MYL12A: variants seen among roughly 807,000 people sequenced by gnomAD.
MYL12A encodes myosin light chain 12A.
Under a neutral mutation model 13.3 loss-of-function variants are expected in MYL12A, and 11 were observed. The ratio of observed to expected loss-of-function variants is 0.83; its 90% CI spans 0.52 to 1.37. The LOEUF is 1.37. Ranked by LOEUF, MYL12A falls within the 40% of genes most tolerant of loss-of-function variation. MYL12A has a pLI of 0.00. For missense variants in MYL12A, 146 were observed against 212.3 expected (o/e 0.69, Z 1.94); for synonymous variants, 51 against 69.9 (o/e 0.73, Z 1.35).
intron 1 of MYL12A, among the ~76,000 whole-genome samples, chr18:3,250,693 C>T (rs1291324835): frequency 1.3e-5 from 2 of 152,150 alleles, no homozygotes; most frequent in African/African-American, 4.8e-5. Flanking sequence ...GACTAACAGC[C>T]GAATCTCTTC....
At position 3,253,974 on chromosome 18, in the gene MYL12A, T is replaced by G; in HGVS notation, c.267T>G (p.Phe89Leu). The change falls in exon 3 of 4, where the codon TTT becomes TTG. Residue 89 changes from phenylalanine to leucine, a missense_variant. By Grantham distance (22) the Phe-to-Leu change is conservative (BLOSUM62 0). Coordinates refer to ENST00000217652, the MANE Select transcript of MYL12A (RefSeq NM_006471.4). Reference protein sequence around the residue: ...PINFTMFLTMFGEKLNGTDPE... With the variant: ...PINFTMFLTMLGEKLNGTDPE... The stretch of plus-strand genomic sequence containing the variant: ...ATTTCACCATGTTCCTCACCATGTT[T>G]GGTGAGAAGTTAAATGGCACAGATC... 6.2e-7 allele frequency: 1 copy of G among 1,613,976 alleles called. No individual in the cohort carries two copies. The highest frequency in any genetic ancestry group is 8.5e-7 in the Non-Finnish European group (1 of 1,179,884).
chr18:3,252,309 T>G, intron 1 of MYL12A: 1 of 1,533,162 alleles, frequency 6.5e-7, no homozygotes, highest in Non-Finnish European at 8.7e-7. Flanking sequence ...CCATCTTCCC[T>G]GCAACTCTGA....
chr18:3,249,290 T>C (rs980374023), intron 1 of MYL12A: 1 of 152,206 alleles, frequency 6.6e-6, no homozygotes, highest in African/African-American at 2.4e-5. Flanking sequence ...TTTGAGAATC[T>C]CTTCTATTTC....
chr18:3,251,660 T>C (rs2081486754), intron 1 of MYL12A, among the ~76,000 whole-genome samples: 1 of 152,132 alleles, frequency 6.6e-6, no homozygotes, highest in African/African-American at 2.4e-5. Context: ...CCTCATGTAG[T>C]TTAGATGTGA....
At chr18:3,250,491 A>T (rs1194525240) in intron 1 of MYL12A, among the ~76,000 whole-genome samples, 1 of 152,052 alleles carries the variant, frequency 6.6e-6, no homozygotes, top group Non-Finnish European at 1.5e-5. Flanking sequence ...TAGGGAAAAA[A>T]CCCCACAGTT....
intron 1 of MYL12A, among the ~76,000 whole-genome samples, chr18:3,251,562 C>G (rs1299568772): frequency 6.6e-6 from 1 of 152,098 alleles, no homozygotes; most frequent in African/African-American, 2.4e-5. Flanking sequence ...CAAGTCCTTG[C>G]GTACATTTAA....
chr18:3,255,402 A>G (rs1324700405), intron 3 of MYL12A: 1 of 178,958 alleles, frequency 5.6e-6, no homozygotes, highest in Non-Finnish European at 1.2e-5. Context: ...AGATGTGACC[A>G]TTCATGCCAC....
chr18:3,255,912 T>G lies in MYL12A; in HGVS notation c.510T>G (p.Asp170Glu), dbSNP rs1598799935. The G allele has an allele frequency of 3.1e-6, 5 of 1,613,064 alleles. No homozygotes were observed. In the East Asian group the frequency reaches 1.1e-4, roughly 36 times the overall value. The change falls in exon 4 of 4, where the codon GAT (aspartate) becomes GAG (glutamate). Residue 170 changes from aspartate (D) to glutamate (E), a missense_variant. Physicochemically the swap from Asp to Glu is conservative, Grantham distance 45. Coordinates refer to ENST00000217652, the MANE Select transcript of MYL12A (RefSeq NM_006471.4). ...RILKHGAKDK[D>E]D Reference sequence around the variant, plus strand: ...TGAAACATGGAGCCAAAGACAAAGATGACTGAAATAACTTCAAATTCCAGC... The same window carrying G: ...TGAAACATGGAGCCAAAGACAAAGAGGACTGAAATAACTTCAAATTCCAGC...
Position 3,253,748 on chromosome 18 carries a change from T to G in MYL12A, c.182-141T>G, listed in dbSNP as rs544915177. ...TAGGCCCTATTCATTAAGAAAACTT[T>G]CCCCCCAAATAGTTTCACTCTCATG... On this transcript the variant is annotated intron_variant, in intron 2 of 3. Transcript: ENST00000217652. 13 of 962,536 alleles carry G rather than the reference T, an allele frequency of 1.4e-5. No individual in the cohort carries two copies. The East Asian group carries it at 3.2e-4, about 24-fold the overall frequency. The allele number at this position is 962,536 out of a possible 1,614,324, so 59.6% of individuals were successfully genotyped here.
intron 1 of MYL12A, among the ~76,000 whole-genome samples, chr18:3,250,082 G>C (rs2081469784): frequency 7.0e-6 from 1 of 141,862 alleles, no homozygotes; most frequent in Non-Finnish European, 1.5e-5. Context: ...AATTTCAGGG[G>C]GGAGGGGGGA....
At position 3,253,899 on chromosome 18, in the gene MYL12A, A is replaced by G. The variant is rs752787584; in HGVS notation, c.192A>G (p.Pro64=). ...HDMLASLGKN[P]TDEYLDAMMN... is the part of the protein sequence containing the mutation. ...CTTTTAAAAATTTAGGGAAGAATCC[A>G]ACTGATGAGTATCTAGATGCCATGA... Residue 64 remains proline (P), a synonymous_variant, in exon 3 of 4, where the codon CCA becomes CCG. Transcript: ENST00000217652. 3 of 1,602,250 alleles carry G rather than the reference A, an allele frequency of 1.9e-6. No individual in the cohort carries two copies. In the Admixed American group the frequency reaches 5.4e-5, roughly 29 times the overall value.
At chr18:3,252,948 C>G (rs979368620) in intron 1 of MYL12A, among the ~76,000 whole-genome samples, 3 of 152,172 alleles carry the variant, frequency 2.0e-5, no homozygotes, top group Admixed American at 1.3e-4. Flanking sequence ...CCCTATACTG[C>G]TGAAGTATAG....
In MYL12A at chr18:3,256,056, T is replaced by C. The variant is rs1240663684; in HGVS notation, c.*138T>C. On this transcript the variant is annotated 3_prime_UTR_variant, in exon 4 of 4. Coordinates refer to ENST00000217652, the MANE Select transcript of MYL12A (RefSeq NM_006471.4). ...CAGCCATTTTGGGCATATGTATCTT[T>C]ATAATCAGACTGGAAACGGGACTTT... 8 of 1,118,054 alleles carry C rather than the reference T, an allele frequency of 7.2e-6. No homozygotes were observed. The highest frequency in any genetic ancestry group is 2.7e-4 in the Middle Eastern group (1 of 3,764). The allele number at this position is 1,118,054 out of a possible 1,614,324, so 69.3% of individuals were successfully genotyped here. A position where few individuals can be genotyped will look rare whatever the true frequency, so the allele number is the denominator to read the frequency against.
At chr18:3,252,427 G>T in intron 1 of MYL12A, 2 of 1,363,240 alleles carry the variant, frequency 1.5e-6, no homozygotes, top group Non-Finnish European at 1.9e-6. Flanking sequence ...TTTTATTTTA[G>T]GTATTATTAG....
chr18:3,252,262 G>A, intron 1 of MYL12A: 1 of 1,365,162 alleles, frequency 7.3e-7, no homozygotes, highest in Admixed American at 2.0e-5. Flanking sequence ...ACTCAATGCA[G>A]TGTCTTACTT....
At chr18:3,249,772 G>A (rs943231376) in intron 1 of MYL12A, 4 of 152,254 alleles carry the variant, frequency 2.6e-5, no homozygotes, top group Non-Finnish European at 5.9e-5. Flanking sequence ...GCTGGGCATG[G>A]TGGTGGGTGC....
chr18:3,253,873 C>A lies in MYL12A; in HGVS notation c.182-16C>A, dbSNP rs770757100. ...TTGTAATGTAATTAAAATTATGACC[C>A]CTTTTAAAAATTTAGGGAAGAATCC... On this transcript the variant is annotated splice_polypyrimidine_tract_variant and intron_variant, in intron 2 of 3. Transcript: ENST00000217652. 8.2e-6 allele frequency: 13 copies of A among 1,587,920 alleles called. No individual in the cohort carries two copies. The highest frequency in any genetic ancestry group is 8.5e-6 in the Non-Finnish European group (10 of 1,172,104).
intron 3 of MYL12A, 51 bp from the exon 4 acceptor site, chr18:3,255,689 TTTGTAA>T: frequency 1.3e-6 from 2 of 1,550,964 alleles, no homozygotes; most frequent in Non-Finnish European, 1.7e-6. Context: ...ATAGATATTC[TTTGTAA>T]TTAACCCTCA....
Position 3,256,108 on chromosome 18 carries a change from A to C in MYL12A, c.*190A>C. On this transcript the variant is annotated 3_prime_UTR_variant, in exon 4 of 4. Coordinates refer to ENST00000217652, the MANE Select transcript of MYL12A (RefSeq NM_006471.4). ...TATTAATATCATTTTCAGAATAAAA[A>C]ATAGGATAATTTAACCTACCAGCCC... is the stretch of plus-strand genomic sequence containing the variant. 1.4e-6 allele frequency: 1 copy of C among 722,568 alleles called. No individual in the cohort carries two copies. The highest frequency in any genetic ancestry group is 2.2e-6 in the Non-Finnish European group (1 of 450,114). The allele number at this position is 722,568 out of a possible 1,614,324, so 44.8% of individuals were successfully genotyped here.
Sources: gnomAD v4.1 joint callset for allele counts (sites outside exome capture counted in the v4.1 genomes callset) on GRCh38, gnomAD v4.1.1 for gene constraint, MANE v1.5 for transcripts, NCBI Gene and HGNC (gene_info 2026-07-23, HGNC 2026-07-21) for gene names.